The following EFCAB14 variants were observed in gnomAD, a reference collection of about 807,000 sequenced individuals.
The protein encoded by EFCAB14 is EF-hand calcium-binding domain-containing protein 14.
In EFCAB14, 43 loss-of-function variants were observed where a neutral mutation model predicts 56.5. That is an observed-to-expected ratio of 0.76 (90% CI 0.60 to 0.98). The LOEUF is 0.98. Among genes scored for constraint, EFCAB14 ranks in the 50% least tolerant of loss-of-function variants. The pLI, the probability that EFCAB14 is intolerant of heterozygous loss-of-function variation, is 0.00. For synonymous variants in EFCAB14, 235 were observed against 212.9 expected, an observed-to-expected ratio of 1.10 and a Z score of -0.90; for missense variants, 538 against 580.3, an observed-to-expected ratio of 0.93 and a Z score of 0.75.
intron 3 of EFCAB14, among the ~76,000 whole-genome samples, chr1:46,703,696 A>G (rs1030492326): frequency 1.3e-5 from 2 of 152,178 alleles, no homozygotes; most frequent in African/African-American, 4.8e-5. Context: ...TATAAAAAAT[A>G]TGGCATTAAA....
At chr1:46,695,438 A>G (rs1349462073) in intron 4 of EFCAB14, among the ~76,000 whole-genome samples, 1 of 152,132 alleles carries the variant, frequency 6.6e-6, no homozygotes, top group Non-Finnish European at 1.5e-5. Context: ...CTGAGCACAC[A>G]CAGATGGTGT....
Position 46,707,949 on chromosome 1 carries a change from C to T in EFCAB14, c.437G>A (p.Gly146Asp). 1 of 1,612,016 alleles carries T rather than the reference C, an allele frequency of 6.2e-7. No homozygotes were observed. The highest frequency in any genetic ancestry group is 8.5e-7 in the Non-Finnish European group (1 of 1,179,672). Reference sequence around the variant, plus strand: ...GATGTTTATCCAGACTTTGTTCAAACCCATCTCTCCAGATTCAATCTTCTC... The same window carrying T: ...GATGTTTATCCAGACTTTGTTCAAATCCATCTCTCCAGATTCAATCTTCTC... ...QLEKIESGEM[G>D]LNKVWINITE... is the part of the protein sequence containing the mutation. Residue 146 changes from glycine to aspartate, a missense_variant, in exon 3 of 11, where the codon GGT (glycine) becomes GAT (aspartate). Transcript: ENST00000371933.
chr1:46,705,396 C>T, intron 3 of EFCAB14, among the ~76,000 whole-genome samples: 1 of 152,204 alleles, frequency 6.6e-6, no homozygotes, highest in East Asian at 1.9e-4. Flanking sequence ...CTATTTATAG[C>T]AGGTTCTTGA....
chr1:46,699,533 ACT>A (rs1323758464), intron 3 of EFCAB14, among the ~76,000 whole-genome samples: 2 of 147,626 alleles, frequency 1.4e-5, no homozygotes, highest in African/African-American at 5.4e-5. Context: ...GAGAATTAAC[ACT>A]CTGTGTCTGG....
intron 3 of EFCAB14, among the ~76,000 whole-genome samples, chr1:46,706,848 T>G (rs1350867910): frequency 6.6e-6 from 1 of 152,196 alleles, no homozygotes; most frequent in Non-Finnish European, 1.5e-5. Flanking sequence ...ACCATACACA[T>G]TAAGAGTGAG....
chr1:46,678,661 T>G, intron 10 of EFCAB14, 25 bp from the exon 11 acceptor site: 1 of 1,599,996 alleles, frequency 6.3e-7, no homozygotes, highest in East Asian at 2.2e-5. Flanking sequence ...TTACAAAAAA[T>G]GTATACGTCT....
chr1:46,701,307 T>C (rs1365655651), intron 3 of EFCAB14, among the ~76,000 whole-genome samples: 1 of 152,178 alleles, frequency 6.6e-6, no homozygotes, highest in African/African-American at 2.4e-5. Flanking sequence ...GCCCCAGGTA[T>C]GTTTTCCTTA....
rs1676850059 is a variant in EFCAB14, at chr1:46,684,611, A to C, written c.1075-9T>G. 3 of 1,607,214 alleles carry C rather than the reference A, an allele frequency of 1.9e-6. No homozygotes were observed. The highest frequency in any genetic ancestry group is 2.6e-6 in the Non-Finnish European group (3 of 1,173,772). ...TTTGAACTATCTTCTTTCTGCACAAAACAAAGATTATAGAAGGTTTAAGGT... is the reference window on the plus strand; with the variant it reads ...TTTGAACTATCTTCTTTCTGCACAACACAAAGATTATAGAAGGTTTAAGGT... On this transcript the variant is annotated splice_polypyrimidine_tract_variant and intron_variant, in intron 8 of 10. Coordinates refer to ENST00000371933, the MANE Select transcript of EFCAB14 (RefSeq NM_014774.3).
chr1:46,700,986 A>AGTGT (rs3991763), intron 3 of EFCAB14, among the ~76,000 whole-genome samples: 5,037 of 142,874 alleles, frequency 0.035, 202 homozygotes, highest in African/African-American at 0.1. Flanking sequence ...AGAGTGAGTG[A>AGTGT]GTGTGTGTGT....
chr1:46,680,419 AC>A (rs1184129447), intron 10 of EFCAB14, among the ~76,000 whole-genome samples: 1 of 152,254 alleles, frequency 6.6e-6, no homozygotes, highest in African/African-American at 2.4e-5. Flanking sequence ...ACATGAATAG[AC>A]CATAAAAACA....
intron 3 of EFCAB14, among the ~76,000 whole-genome samples, chr1:46,701,051 A>T (rs1677149204): frequency 6.6e-6 from 1 of 151,028 alleles, no homozygotes; most frequent in South Asian, 2.1e-4. Context: ...TTGAAGGAAA[A>T]TTTTCATAGG....
rs1249925104 is a variant in EFCAB14, at chr1:46,696,686, G to A, written c.481-37C>T. 3 of 1,584,222 alleles carry A rather than the reference G, an allele frequency of 1.9e-6. No individual in the cohort carries two copies. In the African/African-American group the frequency reaches 4.0e-5, roughly 21 times the overall value. On this transcript the variant is annotated intron_variant, in intron 3 of 10. Coordinates refer to ENST00000371933, the MANE Select transcript of EFCAB14 (RefSeq NM_014774.3). ...AGAGTAACAAACAATGAAAACAAAT[G>A]AGAATTTGTAGAGGACACGTTACCT...
At position 46,678,305 on chromosome 1, in the gene EFCAB14, A is replaced by C; in HGVS notation, c.*156T>G. ...TAAAATGGTCTTCTTCTTTAAAAAA[A>C]TAACTTTTATATAGCTTCTTCAAAC... On this transcript the variant is annotated 3_prime_UTR_variant, in exon 11 of 11. Coordinates refer to ENST00000371933, the MANE Select transcript of EFCAB14 (RefSeq NM_014774.3). 1.8e-6 allele frequency: 1 copy of C among 570,862 alleles called. No individual in the cohort carries two copies. The highest frequency in any genetic ancestry group is 2.8e-6 in the Non-Finnish European group (1 of 354,838). The allele number at this position is 570,862 out of a possible 1,614,324, so 35.4% of individuals were successfully genotyped here. A position where few individuals can be genotyped will look rare whatever the true frequency, so the allele number is the denominator to read the frequency against.
rs748867545 is a variant in EFCAB14, at chr1:46,717,946, C to A, written c.142G>T (p.Glu48Ter). Reference protein sequence around the residue: ...DSDSESSSEEEEEFGVVGNRS... With the variant: ...DSDSESSSEE ...TTTCCAACCACACCGAATTCCTCTTCCTCTTCGGAGCTGGACTCAGAGTCT... is the reference window on the plus strand; with the variant it reads ...TTTCCAACCACACCGAATTCCTCTTACTCTTCGGAGCTGGACTCAGAGTCT... Residue 48 changes from glutamate to a stop codon, truncating the protein, a stop_gained, in exon 1 of 11, where the codon GAA (glutamate) becomes TAA (stop). Coordinates refer to ENST00000371933, the MANE Select transcript of EFCAB14 (RefSeq NM_014774.3). LOFTEE classifies it high-confidence loss of function. The A allele has an allele frequency of 1.2e-6, 2 of 1,614,146 alleles. No homozygotes were observed. The highest frequency in any genetic ancestry group is 4.5e-5 in the East Asian group (2 of 44,874).
rs1677427785 is a variant in EFCAB14 at position 46,718,190 on chromosome 1, T to C, written c.-103A>G. 2 of 1,309,024 alleles carry C rather than the reference T, an allele frequency of 1.5e-6. No homozygotes were observed. The highest frequency in any genetic ancestry group is 2.1e-6 in the Non-Finnish European group (2 of 948,334). The allele number at this position is 1,309,024 out of a possible 1,614,324, so 81.1% of individuals were successfully genotyped here. ...TGGAGCTGCCTTCCAGGGTTGGGAA[T>C]CCTGGGCCAGAGCCCCCTGGTCACT... is the stretch of plus-strand genomic sequence containing the variant. On this transcript the variant is annotated 5_prime_UTR_variant, in exon 1 of 11. Transcript: ENST00000371933.
intron 2 of EFCAB14, among the ~76,000 whole-genome samples, chr1:46,713,843 T>TA (rs1375232798): frequency 6.6e-6 from 1 of 152,190 alleles, no homozygotes; most frequent in African/African-American, 2.4e-5. Flanking sequence ...TCTGAGAACC[T>TA]AATTTCCAAG....
At chr1:46,696,732 G>T in intron 3 of EFCAB14, 83 bp from the exon 4 acceptor site, 1 of 1,269,686 alleles carries the variant, frequency 7.9e-7, no homozygotes, top group Non-Finnish European at 1.1e-6. Context: ...TACGGTTGGT[G>T]ATGTCAAGAT....
At chr1:46,717,122 C>T (rs1677408939) in intron 1 of EFCAB14, among the ~76,000 whole-genome samples, 1 of 152,208 alleles carries the variant, frequency 6.6e-6, no homozygotes, top group Admixed American at 6.5e-5. Context: ...CCCTTAACAG[C>T]CTTAGCTGAC....
Position 46,676,105 on chromosome 1 carries a change from T to C in EFCAB14, c.*2356A>G, listed in dbSNP as rs1348339281. 1.3e-5 allele frequency: 2 copies of C among 152,224 alleles called. No homozygotes were observed. Among genetic ancestry groups the C allele is most frequent in the Non-Finnish European group, 2.9e-5 (2 of 68,044 alleles). The allele number at this position is 152,224 out of a possible 1,614,324, so 9.4% of individuals were successfully genotyped here. A position where few individuals can be genotyped will look rare whatever the true frequency, so the allele number is the denominator to read the frequency against. ...AAATTCACACTAAATAATAGGCTTA[T>C]GGGATGCTTAAGCCAGTGAGTCTGC... On this transcript the variant is annotated 3_prime_UTR_variant, in exon 11 of 11. Transcript: ENST00000371933.
Sources: gnomAD v4.1 joint callset for allele counts (sites outside exome capture counted in the v4.1 genomes callset) on GRCh38, gnomAD v4.1.1 for gene constraint, MANE v1.5 for transcripts, NCBI Gene and HGNC (gene_info 2026-07-23, HGNC 2026-07-21) for gene names.